The following GLMN variants were observed in gnomAD, a reference collection of about 807,000 sequenced individuals.
GLMN encodes glomulin.
Under a neutral mutation model 87.8 loss-of-function variants are expected in GLMN, and 75 were observed. The observed-to-expected ratio is 0.85, with a 90% CI of 0.71 to 1.04. The LOEUF is 1.04. Ranked by LOEUF, GLMN falls within the 50% of genes least tolerant of loss-of-function variation. GLMN has a pLI of 0.00. For synonymous variants in GLMN, 206 were observed against 221.6 expected (o/e 0.93, Z 0.63); for missense variants, 588 against 658.8 (o/e 0.89, Z 1.18).
chr1:92,249,910 T>A (rs181137715), intron 16 of GLMN, among the ~76,000 whole-genome samples: 1 of 152,298 alleles, frequency 6.6e-6, no homozygotes, highest in Non-Finnish European at 1.5e-5. Context: ...TGTAATGACA[T>A]GTAGGTCCAT....
At chr1:92,299,125 C>A (rs1005290515), upstream of GLMN, 15 of 1,521,114 alleles carry the variant, frequency 9.9e-6, no homozygotes, top group Non-Finnish European at 1.3e-5. Flanking sequence ...CGGGGCTCCC[C>A]GCTGCTCTCG....
the GLMN span, among the ~76,000 whole-genome samples, chr1:92,322,860 C>CAGTG: frequency 1 from 149,670 of 150,160 alleles, 74,595 homozygotes; most frequent in Non-Finnish European, 1. Context: ...CTGGGCAACA[C>CAGTG]AGACTTTGTC....
intron 3 of GLMN, among the ~76,000 whole-genome samples, chr1:92,292,698 C>T (rs1382616243): frequency 6.9e-6 from 1 of 145,644 alleles, no homozygotes; most frequent in Non-Finnish European, 1.5e-5. Flanking sequence ...GCTGGGATTA[C>T]AGGCGTGAGC....
chr1:92,369,760 T>G, the GLMN span, among the ~76,000 whole-genome samples: 5 of 151,994 alleles, frequency 3.3e-5, no homozygotes, highest in Non-Finnish European at 7.4e-5. Context: ...GATAAAGGAA[T>G]AAGGAGAAAA....
intron 7 of GLMN, among the ~76,000 whole-genome samples, chr1:92,277,975 G>T (rs972776451): frequency 6.6e-6 from 1 of 152,098 alleles, no homozygotes; most frequent in Non-Finnish European, 1.5e-5. Context: ...TGGAAGGGGG[G>T]GCAGTCTTGA....
At chr1:92,321,175 A>G in the GLMN span, among the ~76,000 whole-genome samples, 125 of 152,374 alleles carry the variant, frequency 8.2e-4, no homozygotes, top group Middle Eastern at 6.8e-3. Context: ...CCTTAGTCAC[A>G]TGGCGTTGAG....
the GLMN span, among the ~76,000 whole-genome samples, chr1:92,339,353 T>C: frequency 8.2e-6 from 1 of 122,334 alleles, no homozygotes; most frequent in Non-Finnish European, 1.6e-5. Flanking sequence ...CCCCAAGGAT[T>C]CTGATTTAAT....
the GLMN span, among the ~76,000 whole-genome samples, chr1:92,317,115 A>G: frequency 6.6e-6 from 1 of 152,182 alleles, no homozygotes; most frequent in African/African-American, 2.4e-5. Flanking sequence ...GGATATAGAA[A>G]GGGCTTGGCC....
At chr1:92,326,805 C>A in the GLMN span, among the ~76,000 whole-genome samples, 95 of 152,342 alleles carry the variant, frequency 6.2e-4, no homozygotes, top group South Asian at 2.3e-3. Context: ...CCACCATGTC[C>A]CTTCAAACAG....
the GLMN span, among the ~76,000 whole-genome samples, chr1:92,306,696 C>T: frequency 6.6e-6 from 1 of 151,948 alleles, no homozygotes; most frequent in African/African-American, 2.4e-5. Flanking sequence ...AATAAAATAG[C>T]CAGGTGTGGT....
the GLMN span, among the ~76,000 whole-genome samples, chr1:92,330,980 AG>A: frequency 5.5e-4 from 83 of 152,286 alleles, 1 homozygote; most frequent in South Asian, 0.017. Flanking sequence ...TTAACATTTG[AG>A]AAGCACTGTT....
the GLMN span, among the ~76,000 whole-genome samples, chr1:92,326,513 C>G: frequency 1.2e-3 from 176 of 152,200 alleles, no homozygotes; most frequent in African/African-American, 3.9e-3. Context: ...TGGGTAGGGC[C>G]GTAGAACTCC....
At chr1:92,329,776 A>G in the GLMN span, among the ~76,000 whole-genome samples, 12 of 152,196 alleles carry the variant, frequency 7.9e-5, no homozygotes, top group African/African-American at 2.9e-4. Context: ...TTTTTATATA[A>G]TACTGGATTT....
the GLMN span, among the ~76,000 whole-genome samples, chr1:92,320,442 T>G: frequency 6.6e-6 from 1 of 152,022 alleles, no homozygotes; most frequent in African/African-American, 2.4e-5. Context: ...CCAGCTAATT[T>G]TTGTATTTTT....
chr1:92,302,789 A>G (rs1157739611), upstream of GLMN, among the ~76,000 whole-genome samples: 1 of 151,626 alleles, frequency 6.6e-6, no homozygotes, highest in African/African-American at 2.4e-5. Context: ...TTTAGTAGAG[A>G]TGGGATTTCA....
the GLMN span, among the ~76,000 whole-genome samples, chr1:92,351,775 C>T: frequency 8.5e-5 from 13 of 152,174 alleles, no homozygotes; most frequent in African/African-American, 2.9e-4. Flanking sequence ...CCTTTATGTG[C>T]AGCCTATGTG....
chr1:92,286,135 A>C (rs2101016907), intron 7 of GLMN, among the ~76,000 whole-genome samples: 1 of 152,002 alleles, frequency 6.6e-6, no homozygotes, highest in African/African-American at 2.4e-5. Context: ...CAGGTGAAAT[A>C]CATTATACTA....
the GLMN span, among the ~76,000 whole-genome samples, chr1:92,353,779 A>G: frequency 6.6e-6 from 1 of 152,198 alleles, no homozygotes; most frequent in East Asian, 1.9e-4. Flanking sequence ...TATTGCTGAG[A>G]GTTTATGTAA....
intron 16 of GLMN, among the ~76,000 whole-genome samples, chr1:92,248,863 T>C (rs1249729844): frequency 2.0e-5 from 3 of 152,156 alleles, no homozygotes; most frequent in Admixed American, 6.5e-5. Context: ...ATTTATCCTA[T>C]ACTAATAGGA....
Sources: gnomAD v4.1 joint callset for allele counts (sites outside exome capture counted in the v4.1 genomes callset) on GRCh38, gnomAD v4.1.1 for gene constraint, MANE v1.5 for transcripts, NCBI Gene and HGNC (gene_info 2026-07-23, HGNC 2026-07-21) for gene names.